Variants in SEMA5A observed in about 807,000 individuals in gnomAD.
SEMA5A encodes semaphorin 5A.
A neutral mutation model predicts 135.5 loss-of-function variants in SEMA5A; 55 were observed. That is an observed-to-expected ratio of 0.41 (90% confidence interval 0.33 to 0.51). The LOEUF (loss-of-function observed/expected upper bound fraction) is 0.51. Among genes scored for constraint, SEMA5A ranks in the 20% least tolerant of loss-of-function variants. The pLI is 0.37. For synonymous variants in SEMA5A, 580 were observed against 546.5 expected, an observed-to-expected ratio of 1.06 and a Z score of -0.85; for missense variants, 1,290 against 1,419.9, an observed-to-expected ratio of 0.91 and a Z score of 1.47.
At chr5:9,066,832 A>G (rs1285686336) in intron 16 of SEMA5A, among the ~76,000 whole-genome samples, 186 bp from the exon 17 acceptor site, 1 of 152,180 alleles carries the variant, frequency 6.6e-6, no homozygotes, top group East Asian at 1.9e-4. Context: ...CTCAGTGTTC[A>G]AGACATCTCC....
chr5:9,305,649 C>A (rs1403666599), intron 5 of SEMA5A, among the ~76,000 whole-genome samples: 1 of 150,528 alleles, frequency 6.6e-6, no homozygotes, highest in Admixed American at 6.6e-5. Context: ...AGAGAAACAC[C>A]AACACCGGGG....
intron 5 of SEMA5A, among the ~76,000 whole-genome samples, chr5:9,267,276 A>G (rs1224530009): frequency 6.6e-6 from 1 of 152,008 alleles, no homozygotes; most frequent in African/African-American, 2.4e-5. Flanking sequence ...ACAACATAAA[A>G]TCTCATCTGA....
At chr5:9,311,623 T>C (rs539863209) in intron 5 of SEMA5A, among the ~76,000 whole-genome samples, 1 of 149,654 alleles carries the variant, frequency 6.7e-6, no homozygotes, top group Non-Finnish European at 1.5e-5. Flanking sequence ...GGGATAACAT[T>C]AGGAGATATA....
intron 1 of SEMA5A, among the ~76,000 whole-genome samples, chr5:9,455,508 G>A (rs928234203): frequency 1.4e-4 from 22 of 151,924 alleles, no homozygotes; most frequent in African/African-American, 4.6e-4. Context: ...CGCCCGCCTC[G>A]GCCTCCCAAA....
intron 11 of SEMA5A, among the ~76,000 whole-genome samples, chr5:9,188,097 G>T (rs919086816): frequency 3.3e-5 from 5 of 152,184 alleles, no homozygotes; most frequent in African/African-American, 1.2e-4. Flanking sequence ...CTTTAGGGAG[G>T]TGATTAGGTC....
At chr5:9,358,872 C>G (rs113285872) in intron 3 of SEMA5A, among the ~76,000 whole-genome samples, 2 of 152,260 alleles carry the variant, frequency 1.3e-5, no homozygotes, top group Non-Finnish European at 2.9e-5. Context: ...AAAGGAGGCT[C>G]TAGGTTGAGG....
intron 19 of SEMA5A, among the ~76,000 whole-genome samples, chr5:9,053,051 T>C (rs1736678200): frequency 6.6e-6 from 1 of 152,222 alleles, no homozygotes; most frequent in African/African-American, 2.4e-5. Flanking sequence ...CTTTTCAATA[T>C]ACATAGAACC....
intron 1 of SEMA5A, among the ~76,000 whole-genome samples, chr5:9,502,129 A>T (rs1483375220): frequency 6.6e-6 from 1 of 152,192 alleles, no homozygotes; most frequent in Non-Finnish European, 1.5e-5. Flanking sequence ...ATAAAAAACA[A>T]CAATATTGAG....
chr5:9,345,535 A>AT (rs913892870), intron 3 of SEMA5A, among the ~76,000 whole-genome samples: 1 of 151,856 alleles, frequency 6.6e-6, no homozygotes, highest in Non-Finnish European at 1.5e-5. Flanking sequence ...TAAAAAAAAA[A>AT]AAAAAAGTGG....
In SEMA5A at chr5:9,043,136, A is replaced by T. The variant is rs1736053433; in HGVS notation, c.3106-120T>A. 2.9e-5 allele frequency: 26 copies of T among 893,186 alleles called. No homozygotes were observed. In the South Asian group the frequency reaches 5.1e-4, roughly 17 times the overall value. The allele number at this position is 893,186 out of a possible 1,614,324, so 55.3% of individuals were successfully genotyped here. A position where few individuals can be genotyped will look rare whatever the true frequency, so the allele number is the denominator to read the frequency against. On this transcript the variant is annotated intron_variant, in intron 22 of 22. Coordinates refer to ENST00000382496, the MANE Select transcript of SEMA5A (RefSeq NM_003966.3). ...CTCTGCTAAGACTCCATATTTTAAAATATGTTTTCTTATTTATTTGCTTCC... is the reference window on the plus strand; with the variant it reads ...CTCTGCTAAGACTCCATATTTTAAATTATGTTTTCTTATTTATTTGCTTCC...
intron 8 of SEMA5A, among the ~76,000 whole-genome samples, chr5:9,209,305 T>C (rs1291876376): frequency 6.6e-6 from 1 of 152,224 alleles, no homozygotes; most frequent in African/African-American, 2.4e-5. Flanking sequence ...TTCTGCCAAA[T>C]CACACACTCC....
intron 3 of SEMA5A, among the ~76,000 whole-genome samples, chr5:9,356,637 T>C (rs190846454): frequency 1.2e-4 from 18 of 152,332 alleles, no homozygotes; most frequent in Non-Finnish European, 2.2e-4. Flanking sequence ...TGCAGCAGGA[T>C]GGCATTAGGC....
intron 5 of SEMA5A, among the ~76,000 whole-genome samples, chr5:9,289,000 T>G (rs1189747237): frequency 1.3e-5 from 2 of 152,208 alleles, no homozygotes; most frequent in Non-Finnish European, 2.9e-5. Flanking sequence ...GTAGTGACAT[T>G]GCCATTGATG....
chr5:9,075,008 T>C (rs1263686107), intron 16 of SEMA5A, among the ~76,000 whole-genome samples: 1 of 152,232 alleles, frequency 6.6e-6, no homozygotes, highest in African/African-American at 2.4e-5. Flanking sequence ...GACAGGTTGA[T>C]GATTTAGAGA....
At chr5:9,057,400 T>C (rs1579315875) in intron 18 of SEMA5A, among the ~76,000 whole-genome samples, 1 of 152,218 alleles carries the variant, frequency 6.6e-6, no homozygotes, top group Non-Finnish European at 1.5e-5. Flanking sequence ...ACATAATATA[T>C]CCTGTGATAT....
At chr5:9,266,123 C>T (rs1749673062) in intron 5 of SEMA5A, among the ~76,000 whole-genome samples, 1 of 152,218 alleles carries the variant, frequency 6.6e-6, no homozygotes, top group South Asian at 2.1e-4. Flanking sequence ...GGTGCTACGT[C>T]TGCCTTGAGG....
intron 1 of SEMA5A, among the ~76,000 whole-genome samples, chr5:9,479,464 C>T (rs1197890109): frequency 1.3e-5 from 2 of 152,076 alleles, no homozygotes. Context: ...CAAAGCAAAG[C>T]CTTGGACGTG....
At chr5:9,153,317 G>T (rs1742738166) in intron 12 of SEMA5A, among the ~76,000 whole-genome samples, 1 of 152,236 alleles carries the variant, frequency 6.6e-6, no homozygotes, top group South Asian at 2.1e-4. Flanking sequence ...TCTTTTGTCA[G>T]GGATCAGAGT....
rs28405269 is a variant in SEMA5A, at chr5:9,220,565, A to T, written c.646+4109T>A. On this transcript the variant is annotated intron_variant, in intron 8 of 22. Coordinates refer to ENST00000382496, the MANE Select transcript of SEMA5A (RefSeq NM_003966.3). ...AACTAAGAAAAAAACAACAAAAAAA[A>T]TTTGGTATAGATGGGAATCCAAGAA... is the stretch of plus-strand genomic sequence containing the variant. Among the ~76,000 whole-genome samples, 18 of 152,320 alleles carry T rather than the reference A, an allele frequency of 1.2e-4. No individual in the cohort carries two copies. In the East Asian group the frequency reaches 2.9e-3, roughly 24 times the overall value.
Sources: allele counts gnomAD v4.1 joint callset (sites outside exome capture counted in the v4.1 genomes callset), GRCh38; gene constraint gnomAD v4.1.1; transcripts MANE v1.5; gene names NCBI Gene and HGNC (gene_info 2026-07-23, HGNC 2026-07-21).